MCF2L: variants seen among roughly 807,000 people sequenced by gnomAD.
MCF2L encodes MCF.2 cell line derived transforming sequence like, also known as guanine nucleotide exchange factor DBS.
In MCF2L, 97 loss-of-function variants were observed where a neutral mutation model predicts 153.4. The observed-to-expected ratio is 0.63, with a 90% CI of 0.54 to 0.75. The LOEUF (loss-of-function observed/expected upper bound fraction) is 0.75. Ranked by LOEUF, MCF2L falls within the 30% of genes least tolerant of loss-of-function variation. The probability of loss-of-function intolerance (pLI) is 0.00; values close to 1 mark genes in which losing one functional copy is unlikely to be tolerated. For synonymous variants in MCF2L, 659 were observed against 632.2 expected, an observed-to-expected ratio of 1.04 and a Z score of -0.64; for missense variants, 1,347 against 1,495.2, an observed-to-expected ratio of 0.90 and a Z score of 1.64.
chr13:112,933,836 C>T (rs760902397), intron 2 of MCF2L, among the ~76,000 whole-genome samples: 2 of 152,204 alleles, frequency 1.3e-5, no homozygotes, highest in African/African-American at 2.4e-5. Context: ...TGTGGCAGGC[C>T]GAGGATACAT....
chr13:112,993,606 G>C lies in MCF2L; in HGVS notation c.80-21157G>C, dbSNP rs189213157. Among the ~76,000 whole-genome samples, 2 of 152,186 alleles carry C rather than the reference G, an allele frequency of 1.3e-5. No individual in the cohort carries two copies. The highest frequency in any genetic ancestry group is 6.5e-5 in the Admixed American group (1 of 15,288). ...AGAGAGGTTTCAGGGCAGGAGGGAC[G>C]GGGCTTAGGGATGTTTCTTGGAGAG... On this transcript the variant is annotated intron_variant, in intron 1 of 29. Coordinates refer to ENST00000535094, the MANE Select transcript of MCF2L (RefSeq NM_001112732.3). This position sits in a 1 kb window ranked among gnomAD's most constrained non-coding sequence, Gnocchi z 4.6.
chr13:113,044,750 C>T (rs1306680359), intron 3 of MCF2L: 2 of 1,612,940 alleles, frequency 1.2e-6, no homozygotes, highest in East Asian at 2.2e-5. Context: ...AGAGTGCTGC[C>T]TCCTCTCCCG....
At chr13:113,026,470 C>G (rs1037104610) in intron 3 of MCF2L, among the ~76,000 whole-genome samples, 5 of 152,238 alleles carry the variant, frequency 3.3e-5, no homozygotes, top group African/African-American at 1.2e-4. Flanking sequence ...TTTCCTGGAG[C>G]TCGGAGGCCC....
In MCF2L at chr13:113,087,287, G is replaced by GGACC. The variant is rs781541980; in HGVS notation, c.2431_2434dup (p.His812ArgfsTer43). On this transcript the variant is annotated frameshift_variant, in exon 22 of 30. Transcript: ENST00000535094. LOFTEE classifies it high-confidence loss of function. ...CTGATGCAGGGCTCGTTCAGCGTCT[G>GGACC]GACCGACCACAAGAGGGGCCACACC... 1 of 1,613,072 alleles carries GGACC rather than the reference G, an allele frequency of 6.2e-7. No individual in the cohort carries two copies.
intron 27 of MCF2L, chr13:113,095,466 C>A: frequency 9.3e-7 from 1 of 1,070,342 alleles, no homozygotes. Flanking sequence ...GAACAGGGTG[C>A]ACGGGGCCTG....
rs1016037509 is a variant in MCF2L at position 112,913,364 on chromosome 13, C to T, written c.169+10993C>T. Among the ~76,000 whole-genome samples the T allele has an allele frequency of 2.0e-5, 3 of 152,048 alleles. 1 individual carries two copies. The South Asian group carries it at 6.2e-4, about 32-fold the overall frequency. On this transcript the variant is annotated intron_variant, in intron 2 of 29. Transcript: ENST00000375608. ...TGTATATGGCAAACCCAGAACAGAA[C>T]ATTATCACTCACCTCACCTGGCAAA...
In MCF2L at chr13:113,018,429, A is replaced by G. The variant is rs79922898; in HGVS notation, c.163+3583A>G. 4.9e-3 allele frequency among the ~76,000 whole-genome samples: 745 copies of G among 152,320 alleles called. 28 individuals are homozygous for G. In the East Asian group the frequency reaches 0.1, roughly 21 times the overall value. ...CAAGGAATTGGGTGTAAAATCAGGA[A>G]ATATCCTACATGTAAATTCTTGATT... On this transcript the variant is annotated intron_variant, in intron 2 of 29. Coordinates refer to ENST00000535094, the MANE Select transcript of MCF2L (RefSeq NM_001112732.3).
At position 113,024,658 on chromosome 13, in the gene MCF2L, G is replaced by C. The variant is rs763965380; in HGVS notation, c.178G>C (p.Asp60His). ...TCTCTCCCCAGGTGGGCGGGGGCAG[G>C]ACGGAAGCCCGGTTATCACCTTCCC... ...FAYLSGGRGQ[D>H]GSPVITFPDY... is the part of the protein sequence containing the mutation. Residue 60 changes from aspartate to histidine, a missense_variant, in exon 3 of 30, where the codon GAC becomes CAC. Coordinates refer to ENST00000535094, the MANE Select transcript of MCF2L (RefSeq NM_001112732.3). 1 of 1,613,902 alleles carries C rather than the reference G, an allele frequency of 6.2e-7. No homozygotes were observed. Among genetic ancestry groups the C allele is most frequent in the Admixed American group, 1.7e-5 (1 of 60,030 alleles).
chr13:112,964,149 C>T (rs1263521914), intron 2 of MCF2L, among the ~76,000 whole-genome samples: 1 of 152,232 alleles, frequency 6.6e-6, no homozygotes, highest in Non-Finnish European at 1.5e-5. Context: ...GCATAGCCCA[C>T]CTCGGATGGC....
intron 25 of MCF2L, among the ~76,000 whole-genome samples, chr13:113,089,071 T>A (rs1400805789): frequency 6.6e-6 from 1 of 152,204 alleles, no homozygotes; most frequent in Non-Finnish European, 1.5e-5. Context: ...CACTTTATCC[T>A]GTTTCTTATA....
chr13:112,896,456 G>GCCC (rs1211560233), intron 1 of MCF2L, among the ~76,000 whole-genome samples: 1 of 144,816 alleles, frequency 6.9e-6, no homozygotes, highest in African/African-American at 2.9e-5. Context: ...TCAGAAGAGA[G>GCCC]GCCCCCCCTG....
chr13:113,034,653 G>GCCCTGGTCTCACCCTCA (rs572611100), intron 3 of MCF2L, among the ~76,000 whole-genome samples: 2 of 150,610 alleles, frequency 1.3e-5, no homozygotes, highest in African/African-American at 4.9e-5. Flanking sequence ...CCTCGCCCTT[G>GCCCTGGTCTCACCCTCA]CCCTGGTCTC....
chr13:112,988,341 G>T (rs1370880531), intron 1 of MCF2L, among the ~76,000 whole-genome samples: 1 of 152,206 alleles, frequency 6.6e-6, no homozygotes, highest in East Asian at 1.9e-4. Flanking sequence ...TAGTGGAAAG[G>T]AAAGTCGTGG....
rs559574027 is a variant in MCF2L, at chr13:112,911,512, G to A, written c.169+9141G>A. Among the ~76,000 whole-genome samples the A allele has an allele frequency of 8.7e-4, 132 of 152,344 alleles. 2 individuals are homozygous for A. Among genetic ancestry groups the A allele is most frequent in the African/African-American group, 3.0e-3 (124 of 41,582 alleles). ...GATCCTGCCTGCTGCAGGCTCCTCT[G>A]GGAATGGCCCGCCCACCATGCTCCT... On this transcript the variant is annotated intron_variant, in intron 2 of 29. Coordinates refer to the MCF2L transcript ENST00000375608.
At position 113,087,485 on chromosome 13, in the gene MCF2L, G is replaced by A. The variant is rs912194; in HGVS notation, c.2595+29G>A. On this transcript the variant is annotated intron_variant, in intron 22 of 29. Transcript: ENST00000535094. ...AGTGAGGCCGGGTCTGCAGCAGCAC[G>A]CTCCTGGCCACAGACCCCGACGGGG... 6.2e-3 allele frequency: 9,499 copies of A among 1,543,392 alleles called. 624 individuals carry two copies. The East Asian group carries it at 0.16, about 26-fold the overall frequency.
At chr13:112,976,368 T>C (rs760986156) in intron 1 of MCF2L, among the ~76,000 whole-genome samples, 21 of 152,204 alleles carry the variant, frequency 1.4e-4, no homozygotes, top group Non-Finnish European at 2.8e-4. Flanking sequence ...TTTGGCAATA[T>C]ATTAGAGATG....
At chr13:112,911,004 G>T (rs1202846057) in intron 2 of MCF2L, among the ~76,000 whole-genome samples, 1 of 152,026 alleles carries the variant, frequency 6.6e-6, no homozygotes, top group East Asian at 1.9e-4. Flanking sequence ...GAATTTGGGG[G>T]GTGGGGGCGG....
At chr13:112,937,558 G>C (rs2081527345) in intron 2 of MCF2L, among the ~76,000 whole-genome samples, 1 of 152,242 alleles carries the variant, frequency 6.6e-6, no homozygotes, top group Non-Finnish European at 1.5e-5. Context: ...TGGTGTGAAA[G>C]AAAGTATATT....
In MCF2L at chr13:112,914,223, C is replaced by A. The variant is rs193201259; in HGVS notation, c.169+11852C>A. 2.2e-4 allele frequency among the ~76,000 whole-genome samples: 33 copies of A among 152,370 alleles called. 1 individual carries two copies. In the East Asian group the frequency reaches 6.0e-3, roughly 28 times the overall value. On this transcript the variant is annotated intron_variant, in intron 2 of 29. Coordinates refer to the MCF2L transcript ENST00000375608. Reference sequence around the variant, plus strand: ...GGACCTGGTGCGTCCCCCAAGAGGGCCTTGCCATGTGCGAGCTGAGACACA... The same window carrying A: ...GGACCTGGTGCGTCCCCCAAGAGGGACTTGCCATGTGCGAGCTGAGACACA...
Sources: allele counts gnomAD v4.1 joint callset (sites outside exome capture counted in the v4.1 genomes callset), GRCh38; gene constraint gnomAD v4.1.1; non-coding constraint Gnocchi (gnomAD v3.1); transcripts MANE v1.5; gene names NCBI Gene and HGNC (gene_info 2026-07-23, HGNC 2026-07-21).